SLIT3: variants seen among roughly 807,000 people sequenced by gnomAD.
SLIT3 encodes slit guidance ligand 3, also known as slit homolog 3 protein.
SLIT3 carries 68 observed loss-of-function variants against 184.0 expected under a neutral mutation model. The ratio of observed to expected loss-of-function variants is 0.37; its 90% CI spans 0.30 to 0.45. The LOEUF (loss-of-function observed/expected upper bound fraction) is 0.45. Ranked by LOEUF, SLIT3 falls within the 20% of genes least tolerant of loss-of-function variation. The pLI, the probability that SLIT3 is intolerant of heterozygous loss-of-function variation, is 1.00. For missense variants in SLIT3, 1,707 were observed against 2,026.0 expected, an observed-to-expected ratio of 0.84 and a Z score of 3.02; for synonymous variants, 831 against 828.6, an observed-to-expected ratio of 1.00 and a Z score of -0.05.
chr5:169,197,285 G>A (rs1421442834), intron 3 of SLIT3, among the ~76,000 whole-genome samples: 2 of 152,118 alleles, frequency 1.3e-5, no homozygotes, highest in South Asian at 4.2e-4. Context: ...ACTTAAGCTC[G>A]AGCAGGTCGC....
chr5:169,249,527 T>C (rs946286333), intron 2 of SLIT3, among the ~76,000 whole-genome samples: 10 of 152,232 alleles, frequency 6.6e-5, no homozygotes, highest in African/African-American at 2.4e-4. Flanking sequence ...AGGGTTGTTT[T>C]TGACTTTGTT....
chr5:169,048,440 T>C (rs1277874211), intron 4 of SLIT3, among the ~76,000 whole-genome samples: 6 of 152,214 alleles, frequency 3.9e-5, no homozygotes, highest in Non-Finnish European at 7.3e-5. Context: ...AGCTCTAAGA[T>C]AATCTCTGCC....
At chr5:168,853,716 C>T (rs1050462049) in intron 5 of SLIT3, among the ~76,000 whole-genome samples, 9 of 152,346 alleles carry the variant, frequency 5.9e-5, no homozygotes, top group East Asian at 1.9e-4. Flanking sequence ...TCCATGCTCA[C>T]GATGACTGTA....
chr5:168,678,755 C>A (rs1278205206), intron 32 of SLIT3, among the ~76,000 whole-genome samples: 8 of 151,994 alleles, frequency 5.3e-5, no homozygotes, highest in Admixed American at 3.9e-4. Context: ...GAAAATGGCT[C>A]TACTGTGACA....
rs537691699 is a variant in SLIT3, at chr5:169,233,315, G to A, written c.341+11390C>T. On this transcript the variant is annotated intron_variant, in intron 3 of 35. Coordinates refer to ENST00000519560, the MANE Select transcript of SLIT3 (RefSeq NM_003062.4). Reference sequence around the variant, plus strand: ...TGGGATTATAGGCGTGAGCCACCGCGCCCGGTCGGCATTGGTATTTTTTGG... The same window carrying A: ...TGGGATTATAGGCGTGAGCCACCGCACCCGGTCGGCATTGGTATTTTTTGG... 7.2e-5 allele frequency among the ~76,000 whole-genome samples: 11 copies of A among 152,144 alleles called. No homozygotes were observed. The South Asian group carries it at 1.0e-3, about 14-fold the overall frequency.
chr5:168,679,053 T>A (rs925955342), intron 32 of SLIT3, among the ~76,000 whole-genome samples: 4 of 152,170 alleles, frequency 2.6e-5, no homozygotes, highest in Admixed American at 6.5e-5. Flanking sequence ...ATGGCCTTTT[T>A]GCCTTTGCAT....
intron 4 of SLIT3, among the ~76,000 whole-genome samples, chr5:169,182,828 T>C (rs993695604): frequency 2.0e-5 from 3 of 152,184 alleles, no homozygotes; most frequent in Non-Finnish European, 2.9e-5. Flanking sequence ...TGAAGAATGG[T>C]ATGGGTGAAG....
intron 4 of SLIT3, among the ~76,000 whole-genome samples, chr5:169,115,156 C>T (rs893612833): frequency 1.3e-5 from 2 of 152,260 alleles, no homozygotes; most frequent in Middle Eastern, 3.4e-3. Context: ...GAATACAAAT[C>T]GTTCTCCAAA....
At chr5:168,922,539 T>C (rs1006940023) in intron 4 of SLIT3, among the ~76,000 whole-genome samples, 1 of 151,220 alleles carries the variant, frequency 6.6e-6, no homozygotes, top group African/African-American at 2.4e-5. Flanking sequence ...GCATGATGCA[T>C]TTGAGAACAG....
intron 4 of SLIT3, among the ~76,000 whole-genome samples, chr5:169,047,835 C>T (rs148777296): frequency 2.8e-4 from 43 of 152,096 alleles, no homozygotes; most frequent in African/African-American, 9.7e-4. Flanking sequence ...GGGTCCTTAG[C>T]CCGTTTTCCT....
intron 12 of SLIT3, among the ~76,000 whole-genome samples, chr5:168,775,902 G>T (rs767048012): frequency 6.6e-6 from 1 of 152,204 alleles, no homozygotes; most frequent in Non-Finnish European, 1.5e-5. Flanking sequence ...GGGCTGGCAA[G>T]TCAAGCACAT....
Position 169,178,803 on chromosome 5 carries a change from A to G in SLIT3, c.413+14676T>C, listed in dbSNP as rs575505297. ...TCCTCACTCACAAGACACCTCTTCT[A>G]TTTCTTTGTGACATGGATTAAAGAT... On this transcript the variant is annotated intron_variant, in intron 4 of 35. Coordinates refer to ENST00000519560, the MANE Select transcript of SLIT3 (RefSeq NM_003062.4). Among the ~76,000 whole-genome samples, 14 of 152,168 alleles carry G rather than the reference A, an allele frequency of 9.2e-5. No homozygotes were observed. In the East Asian group the frequency reaches 2.3e-3, roughly 25 times the overall value.
chr5:168,736,763 G>T (rs1326377124), intron 20 of SLIT3, among the ~76,000 whole-genome samples: 1 of 152,186 alleles, frequency 6.6e-6, no homozygotes, highest in African/African-American at 2.4e-5. Flanking sequence ...GAGGACCCAT[G>T]TAAGCCCCCA....
chr5:168,663,598 C>T lies in SLIT3; in HGVS notation c.*2856G>A, dbSNP rs1760941131. The stretch of plus-strand genomic sequence containing the variant: ...GTGGCCCAGTTTAGCATGCACAGCT[C>T]TTTGTGGTCAAAACCCTACCTTCCT... On this transcript the variant is annotated 3_prime_UTR_variant, in exon 36 of 36. Coordinates refer to ENST00000519560, the MANE Select transcript of SLIT3 (RefSeq NM_003062.4). 6.6e-6 allele frequency: 1 copy of T among 152,286 alleles called. No homozygotes were observed. Among genetic ancestry groups the T allele is most frequent in the Non-Finnish European group, 1.5e-5 (1 of 68,158 alleles). The allele number at this position is 152,286 out of a possible 1,614,324, so 9.4% of individuals were successfully genotyped here.
At chr5:168,936,084 T>A (rs1452891135) in intron 4 of SLIT3, among the ~76,000 whole-genome samples, 1 of 152,198 alleles carries the variant, frequency 6.6e-6, no homozygotes, top group Non-Finnish European at 1.5e-5. Flanking sequence ...ACCACGTGGA[T>A]GTGAAATTAG....
At chr5:168,978,914 A>AG (rs894243368) in intron 4 of SLIT3, among the ~76,000 whole-genome samples, 30 of 3,530 alleles carry the variant, frequency 8.5e-3, no homozygotes, top group Admixed American at 0.011. Flanking sequence ...AGCTCATTTC[A>AG]GGGGGGTGTA....
chr5:168,976,312 G>A (rs1754755036), intron 4 of SLIT3, among the ~76,000 whole-genome samples: 1 of 152,160 alleles, frequency 6.6e-6, no homozygotes, highest in African/African-American at 2.4e-5. Context: ...CGTTCTCAAT[G>A]TGGCTGCAGA....
chr5:169,065,385 C>T (rs993388929), intron 4 of SLIT3, among the ~76,000 whole-genome samples: 2 of 152,212 alleles, frequency 1.3e-5, no homozygotes, highest in African/African-American at 4.8e-5. Context: ...GAAGCCATCA[C>T]ACAGAGCAGA....
At chr5:169,018,961 C>T (rs1756496694) in intron 4 of SLIT3, among the ~76,000 whole-genome samples, 1 of 152,182 alleles carries the variant, frequency 6.6e-6, no homozygotes, top group Admixed American at 6.5e-5. Context: ...TGCTGAGGTG[C>T]CCATTAGCAC....
Sources: allele counts gnomAD v4.1 joint callset (sites outside exome capture counted in the v4.1 genomes callset), GRCh38; gene constraint gnomAD v4.1.1; transcripts MANE v1.5; gene names NCBI Gene and HGNC (gene_info 2026-07-23, HGNC 2026-07-21).